Variants in PPARGC1A observed in about 807,000 individuals in gnomAD.
The protein encoded by PPARGC1A is peroxisome proliferator-activated receptor gamma coactivator 1-alpha.
A neutral mutation model predicts 88.7 loss-of-function variants in PPARGC1A; 25 were observed. That is an observed-to-expected ratio of 0.28 (90% CI 0.21 to 0.39). The LOEUF is 0.39. PPARGC1A is among the 10% of genes least tolerant of loss of function. PPARGC1A has a pLI of 1.00. For missense variants in PPARGC1A, 880 were observed against 968.7 expected (o/e 0.91, Z 1.22); for synonymous variants, 363 against 355.6 (o/e 1.02, Z -0.24).
At chr4:24,091,077 C>T in the PPARGC1A span, among the ~76,000 whole-genome samples, 1 of 152,180 alleles carries the variant, frequency 6.6e-6, no homozygotes, top group Admixed American at 6.5e-5. Flanking sequence ...TTCTAAGCTA[C>T]CATAACACCA....
At chr4:24,296,074 A>G in the PPARGC1A span, among the ~76,000 whole-genome samples, 1 of 151,052 alleles carries the variant, frequency 6.6e-6, no homozygotes, top group Admixed American at 6.6e-5. Context: ...GTATATGTAT[A>G]TATGTACATA....
the PPARGC1A span, among the ~76,000 whole-genome samples, chr4:24,271,664 G>A: frequency 7.2e-5 from 11 of 152,162 alleles, no homozygotes; most frequent in East Asian, 5.8e-4. Flanking sequence ...GGCGTGAGCC[G>A]AGTTCAAATC....
At position 23,841,735 on chromosome 4, in the gene PPARGC1A, TTGA is replaced by T. The variant is rs545812392; in HGVS notation, c.235-9987_235-9985del. On this transcript the variant is annotated intron_variant, in intron 2 of 12. Coordinates refer to ENST00000264867, the MANE Select transcript of PPARGC1A (RefSeq NM_013261.5). ...AGCACAAAATAATCAGTTGCTGTGA[TTGA>T]TGATAAGAACCTGCCATCATCTTAA... is the stretch of plus-strand genomic sequence containing the variant. Among the ~76,000 whole-genome samples the T allele has an allele frequency of 3.3e-5, 5 of 152,248 alleles. No homozygotes were observed. The South Asian group carries it at 1.0e-3, about 32-fold the overall frequency.
At chr4:24,331,107 G>C in the PPARGC1A span, among the ~76,000 whole-genome samples, 1 of 152,058 alleles carries the variant, frequency 6.6e-6, no homozygotes, top group African/African-American at 2.4e-5. Flanking sequence ...TCTCCTTAAA[G>C]GTCAAGACTA....
rs570752359 is a variant in PPARGC1A at position 23,832,612 on chromosome 4, C to CT, written c.235-862dup. Reference sequence around the variant, plus strand: ...ATTATTTCTTTTTCTTTTTCTTTTTCTTTTTTTTTTTTTTTGAGACAGGGT... The same window carrying CT: ...ATTATTTCTTTTTCTTTTTCTTTTTCTTTTTTTTTTTTTTTTGAGACAGGGT... On this transcript the variant is annotated intron_variant, in intron 2 of 12. Transcript: ENST00000264867. 8.1e-3 allele frequency among the ~76,000 whole-genome samples: 1,070 copies of CT among 131,790 alleles called. 7 individuals carry two copies. The highest frequency in any genetic ancestry group is 0.03 in the East Asian group (141 of 4,656). 86.5% of individuals were successfully genotyped at this position (131,790 alleles called of 152,430 possible).
the PPARGC1A span, among the ~76,000 whole-genome samples, chr4:24,025,138 T>C: frequency 6.6e-6 from 1 of 152,166 alleles, no homozygotes; most frequent in Non-Finnish European, 1.5e-5. Context: ...CCTAGTCCTT[T>C]AAAATGGATA....
At chr4:24,001,491 T>C in the PPARGC1A span, among the ~76,000 whole-genome samples, 1 of 152,148 alleles carries the variant, frequency 6.6e-6, no homozygotes, top group African/African-American at 2.4e-5. Flanking sequence ...ACCTGATCCA[T>C]TGTGTAAAAA....
chr4:24,439,230 C>G, the PPARGC1A span, among the ~76,000 whole-genome samples: 7 of 152,274 alleles, frequency 4.6e-5, no homozygotes, highest in South Asian at 8.3e-4. Context: ...TAATGGCTTT[C>G]CAACCCCTAA....
At chr4:23,942,067 G>A in the PPARGC1A span, among the ~76,000 whole-genome samples, 3 of 151,746 alleles carry the variant, frequency 2.0e-5, no homozygotes, top group East Asian at 1.9e-4. Flanking sequence ...CACTGTGAAA[G>A]ATAGTGGGAA....
intron 10 of PPARGC1A, among the ~76,000 whole-genome samples, chr4:23,810,685 G>A (rs899792262): frequency 2.0e-5 from 3 of 152,076 alleles, no homozygotes; most frequent in Admixed American, 6.5e-5. Context: ...GGCCATATAA[G>A]CAAATTTATG....
the PPARGC1A span, among the ~76,000 whole-genome samples, chr4:24,043,580 C>G: frequency 6.6e-6 from 1 of 152,130 alleles, no homozygotes; most frequent in East Asian, 1.9e-4. Flanking sequence ...TTAAATGTTA[C>G]CTCATCGATC....
chr4:24,028,278 C>G, the PPARGC1A span, among the ~76,000 whole-genome samples: 6 of 151,996 alleles, frequency 3.9e-5, no homozygotes, highest in South Asian at 1.2e-3. Flanking sequence ...AATAAGAAAA[C>G]TGACAACATT....
At chr4:23,883,370 G>A (rs150497911) in intron 2 of PPARGC1A, 36 of 152,326 alleles carry the variant, frequency 2.4e-4, no homozygotes, top group African/African-American at 8.7e-4. Context: ...AACACTGAAA[G>A]GAAAGATTCT....
chr4:24,339,602 C>T, the PPARGC1A span, among the ~76,000 whole-genome samples: 6 of 152,180 alleles, frequency 3.9e-5, no homozygotes, highest in Non-Finnish European at 5.9e-5. Flanking sequence ...ATGGAGCACC[C>T]TCCAATTACA....
chr4:24,387,728 T>C, the PPARGC1A span, among the ~76,000 whole-genome samples: 1 of 107,674 alleles, frequency 9.3e-6, no homozygotes, highest in Non-Finnish European at 1.8e-5. Flanking sequence ...AGAGTGAGAT[T>C]CCATCAAGAA....
At chr4:24,047,868 T>A in the PPARGC1A span, among the ~76,000 whole-genome samples, 1 of 152,224 alleles carries the variant, frequency 6.6e-6, no homozygotes, top group Non-Finnish European at 1.5e-5. Flanking sequence ...AGCAGGAAGT[T>A]AATAATATCA....
rs57357210 is a variant in PPARGC1A at position 23,797,635 on chromosome 4, A to G, written c.2294-1710T>C. Reference sequence around the variant, plus strand: ...AAAAAATTGTGAAATAGTAGTTCTCAAGAGTTTCTTCACTGTGAAATATAG... The same window carrying G: ...AAAAAATTGTGAAATAGTAGTTCTCGAGAGTTTCTTCACTGTGAAATATAG... On this transcript the variant is annotated intron_variant, in intron 12 of 12. Transcript: ENST00000264867. 1.2e-3 allele frequency among the ~76,000 whole-genome samples: 181 copies of G among 152,348 alleles called. 1 individual carries two copies. Among genetic ancestry groups the G allele is most frequent in the African/African-American group, 4.1e-3 (170 of 41,592 alleles).
chr4:24,177,215 C>A, the PPARGC1A span, among the ~76,000 whole-genome samples: 4 of 152,140 alleles, frequency 2.6e-5, no homozygotes, highest in Non-Finnish European at 5.9e-5. Flanking sequence ...TTGGAACCAA[C>A]CCAAATGTCC....
chr4:23,861,632 G>A (rs967988295), intron 2 of PPARGC1A, among the ~76,000 whole-genome samples: 1 of 151,976 alleles, frequency 6.6e-6, no homozygotes, highest in African/African-American at 2.4e-5. Flanking sequence ...TTGTATATAA[G>A]AAAAAGATGA....
Sources: allele counts gnomAD v4.1 joint callset (sites outside exome capture counted in the v4.1 genomes callset), GRCh38; gene constraint gnomAD v4.1.1; transcripts MANE v1.5; gene names NCBI Gene and HGNC (gene_info 2026-07-23, HGNC 2026-07-21).